NCKAP5: variants seen among roughly 807,000 people sequenced by gnomAD.
The protein encoded by NCKAP5 is NCK associated protein 5, also known as nck-associated protein 5.
In NCKAP5, 92 loss-of-function variants were observed where a neutral mutation model predicts 167.0. That is an observed-to-expected ratio of 0.55 (90% CI 0.47 to 0.66). NCKAP5 has a LOEUF of 0.66. Among genes scored for constraint, NCKAP5 ranks in the 30% least tolerant of loss-of-function variants. The probability of loss-of-function intolerance (pLI) is 0.00; values close to 1 mark genes in which losing one functional copy is unlikely to be tolerated. For synonymous variants in NCKAP5, 891 were observed against 877.4 expected (o/e 1.02, Z -0.27); for missense variants, 2,378 against 2,315.0 (o/e 1.03, Z -0.56).
intron 3 of NCKAP5, among the ~76,000 whole-genome samples, chr2:133,504,736 G>A (rs899227935): frequency 6.6e-6 from 1 of 152,176 alleles, no homozygotes; most frequent in Non-Finnish European, 1.5e-5. Flanking sequence ...GGAGGCTGGC[G>A]AGGGGCCAGT....
intron 5 of NCKAP5, among the ~76,000 whole-genome samples, chr2:133,154,199 T>TGTTTCC (rs2149901599): frequency 6.6e-6 from 1 of 152,338 alleles, no homozygotes; most frequent in South Asian, 2.1e-4. Flanking sequence ...CTCTTTCTTC[T>TGTTTCC]GTTTCCTAAT....
the NCKAP5 span, among the ~76,000 whole-genome samples, chr2:133,588,993 C>G: frequency 1.3e-5 from 2 of 152,158 alleles, no homozygotes; most frequent in Admixed American, 6.5e-5. Context: ...GTGGAGGTCA[C>G]ATGGCCATTG....
At chr2:133,232,630 CAAAAG>C (rs2087205617) in intron 4 of NCKAP5, among the ~76,000 whole-genome samples, 2 of 151,886 alleles carry the variant, frequency 1.3e-5, no homozygotes, top group African/African-American at 2.4e-5. Context: ...ACACTGTCAC[CAAAAG>C]AAAAGGAAGA....
intron 6 of NCKAP5, among the ~76,000 whole-genome samples, chr2:133,045,965 T>C (rs2079385788): frequency 6.6e-6 from 1 of 152,222 alleles, no homozygotes; most frequent in Non-Finnish European, 1.5e-5. Context: ...CACGTGGCTA[T>C]GCAATGACTA....
intron 6 of NCKAP5, among the ~76,000 whole-genome samples, chr2:133,106,755 C>T (rs1443845376): frequency 6.6e-6 from 1 of 152,110 alleles, no homozygotes; most frequent in Non-Finnish European, 1.5e-5. Flanking sequence ...GAAACAGCTG[C>T]TTTGGAAGTT....
rs771115871 is a variant in NCKAP5, at chr2:132,732,038, C to T, written c.5142G>A (p.Gln1714=). The T allele has an allele frequency of 1.2e-6, 2 of 1,610,212 alleles. No homozygotes were observed. The highest frequency in any genetic ancestry group is 8.5e-7 in the Non-Finnish European group (1 of 1,177,358). The part of the protein sequence containing the change: ...FQSHIIESNC[Q]MRTLDSGIGT... Reference sequence around the variant, plus strand: ...CGATCCCACTGTCCAATGTTCTCATCTGGCAGTTGGATTCTGAGATAGAGA... The same window carrying T: ...CGATCCCACTGTCCAATGTTCTCATTTGGCAGTTGGATTCTGAGATAGAGA... Residue 1714 remains glutamine, a synonymous_variant, in exon 17 of 20, where the codon CAG becomes CAA. Transcript: ENST00000409261.
chr2:133,368,303 G>C (rs1685580553), intron 3 of NCKAP5, among the ~76,000 whole-genome samples: 1 of 152,142 alleles, frequency 6.6e-6, no homozygotes, highest in Non-Finnish European at 1.5e-5. Flanking sequence ...ACCCAAGTGT[G>C]CACATGAATT....
At chr2:133,433,485 A>C (rs1232353851) in intron 3 of NCKAP5, 1 of 152,214 alleles carries the variant, frequency 6.6e-6, no homozygotes, top group East Asian at 1.9e-4. Context: ...CCTCTTAGAT[A>C]GATTACTTAC....
At chr2:133,250,338 T>C (rs1574496702) in intron 4 of NCKAP5, among the ~76,000 whole-genome samples, 1 of 152,102 alleles carries the variant, frequency 6.6e-6, no homozygotes, top group South Asian at 2.1e-4. Flanking sequence ...ACATTTCCTA[T>C]GGGTTGGAGC....
At chr2:133,550,590 A>AATC (rs1687201236) in intron 2 of NCKAP5, among the ~76,000 whole-genome samples, 2 of 94,982 alleles carry the variant, frequency 2.1e-5, no homozygotes, top group Non-Finnish European at 4.3e-5. Flanking sequence ...TATTGATGGG[A>AATC]CGTATTTCAA....
At chr2:133,256,668 G>A (rs575673205) in intron 4 of NCKAP5, among the ~76,000 whole-genome samples, 5 of 152,178 alleles carry the variant, frequency 3.3e-5, no homozygotes, top group African/African-American at 9.6e-5. Flanking sequence ...TGAACCAGTA[G>A]AGACATATCA....
chr2:133,421,988 T>G (rs563764684), intron 3 of NCKAP5, among the ~76,000 whole-genome samples: 1 of 152,348 alleles, frequency 6.6e-6, no homozygotes, highest in South Asian at 2.1e-4. Flanking sequence ...CCTACTGCAT[T>G]TGGCATTGGG....
chr2:132,723,140 A>ATTTT lies in NCKAP5; in HGVS notation c.5713+2483_5713+2486dup, dbSNP rs869234028. Among the ~76,000 whole-genome samples the ATTTT allele has an allele frequency of 1.6e-4, 15 of 93,430 alleles. No individual in the cohort carries two copies. In the East Asian group the frequency reaches 1.7e-3, roughly 10 times the overall value. 61.3% of individuals were successfully genotyped at this position (93,430 alleles called of 152,430 possible). Reference sequence around the variant, plus strand: ...CCATGCCTGGCCTGAGCCAGGTGGTATTTTTTTTTTTTTTTTTTTTTTTGA... The same window carrying ATTTT: ...CCATGCCTGGCCTGAGCCAGGTGGTATTTTTTTTTTTTTTTTTTTTTTTTTTTGA... On this transcript the variant is annotated intron_variant, in intron 19 of 19. Coordinates refer to ENST00000409261, the MANE Select transcript of NCKAP5 (RefSeq NM_207363.3).
chr2:133,143,915 G>C (rs1025425352), intron 5 of NCKAP5, among the ~76,000 whole-genome samples: 1 of 152,010 alleles, frequency 6.6e-6, no homozygotes, highest in Non-Finnish European at 1.5e-5. Context: ...GGGCTTGACT[G>C]CCTCTCTTTA....
intron 3 of NCKAP5, among the ~76,000 whole-genome samples, chr2:133,438,321 G>A (rs900864567): frequency 2.6e-5 from 4 of 152,172 alleles, no homozygotes; most frequent in Non-Finnish European, 5.9e-5. Flanking sequence ...GGAATATCAG[G>A]GGACACTAGG....
At chr2:133,069,232 C>T (rs568709584) in intron 6 of NCKAP5, among the ~76,000 whole-genome samples, 1 of 152,206 alleles carries the variant, frequency 6.6e-6, no homozygotes, top group East Asian at 1.9e-4. Flanking sequence ...CCCTTCCAGC[C>T]CAAATAGAAA....
chr2:133,633,745 T>C, the NCKAP5 span, among the ~76,000 whole-genome samples: 1 of 152,230 alleles, frequency 6.6e-6, no homozygotes, highest in Non-Finnish European at 1.5e-5. Flanking sequence ...GGCATAGGGC[T>C]GAGGGGGATT....
rs1176731938 is a variant in NCKAP5, at chr2:133,116,487, CAAAAAAAAAAAAAAAAA to C, written c.341+13474_341+13490del. On this transcript the variant is annotated intron_variant, in intron 6 of 19. Coordinates refer to ENST00000409261, the MANE Select transcript of NCKAP5 (RefSeq NM_207363.3). ...TGGGCGACAGAGCGAGACTCCGTCT[CAAAAAAAAAAAAAAAAA>C]AAAAAAAAAAAAGAAAAATTTGTCA... 5.6e-4 allele frequency among the ~76,000 whole-genome samples: 4 copies of C among 7,146 alleles called. 1 individual carries two copies. Among genetic ancestry groups the C allele is most frequent in the South Asian group, 4.2e-3 (1 of 238 alleles). The allele number at this position is 7,146 out of a possible 152,430, so 4.7% of individuals were successfully genotyped here. A position where few individuals can be genotyped will look rare whatever the true frequency, so the allele number is the denominator to read the frequency against.
chr2:133,382,954 T>G (rs1044000518), intron 3 of NCKAP5, among the ~76,000 whole-genome samples: 1 of 152,070 alleles, frequency 6.6e-6, no homozygotes, highest in Admixed American at 6.5e-5. Flanking sequence ...AATGAAAAAA[T>G]GAACAAATAA....
Sources: gnomAD v4.1 joint callset for allele counts (sites outside exome capture counted in the v4.1 genomes callset) on GRCh38, gnomAD v4.1.1 for gene constraint, MANE v1.5 for transcripts, NCBI Gene and HGNC (gene_info 2026-07-23, HGNC 2026-07-21) for gene names.